Variants in TMEM74 observed in about 807,000 individuals in gnomAD.
TMEM74 encodes transmembrane protein 74.
A neutral mutation model predicts 18.1 loss-of-function variants in TMEM74; 13 were observed. The observed-to-expected ratio is 0.72, with a 90% confidence interval of 0.47 to 1.14. The LOEUF (loss-of-function observed/expected upper bound fraction) is 1.14, where lower values mean the gene tolerates loss of function less well. Ranked by LOEUF, TMEM74 falls within the 50% of genes most tolerant of loss-of-function variation. The probability of loss-of-function intolerance (pLI) is 0.00; values close to 1 mark genes in which losing one functional copy is unlikely to be tolerated. For missense variants in TMEM74, 372 were observed against 375.9 expected (o/e 0.99, Z 0.09); for synonymous variants, 159 against 146.6 (o/e 1.08, Z -0.61).
rs1210933355 is a variant in TMEM74, at chr8:108,783,325, A to T, written c.*856T>A. Among the ~76,000 whole-genome samples, 1 of 152,202 alleles carries T rather than the reference A, an allele frequency of 6.6e-6. No individual in the cohort carries two copies. The highest frequency in any genetic ancestry group is 2.4e-5 in the African/African-American group (1 of 41,452). On this transcript the variant is annotated 3_prime_UTR_variant, in exon 2 of 2. Transcript: ENST00000297459. ...CTGTCTAGATGTTTAGATGTCTGGA[A>T]ATATATTTAAAATGTCTCATGCCTT...
chr8:108,645,310 G>A (rs1290123172), intron 2 of TMEM74, among the ~76,000 whole-genome samples: 2 of 151,992 alleles, frequency 1.3e-5, no homozygotes, highest in Non-Finnish European at 2.9e-5. Context: ...TTGGGTACAC[G>A]TGGACACAAA....
chr8:108,777,226 G>A (rs1421489725), downstream of TMEM74, among the ~76,000 whole-genome samples: 2 of 152,136 alleles, frequency 1.3e-5, no homozygotes, highest in East Asian at 1.9e-4. Context: ...TTTATTATTC[G>A]ACGTGTTGTG....
intron 1 of TMEM74, among the ~76,000 whole-genome samples, chr8:108,673,932 A>C (rs1006713529): frequency 1.3e-5 from 2 of 152,198 alleles, no homozygotes; most frequent in Non-Finnish European, 2.9e-5. Context: ...TATAGTTCTC[A>C]TGTTTATGAA....
chr8:108,609,993 A>G (rs1167865094), intron 2 of TMEM74, among the ~76,000 whole-genome samples: 1 of 152,214 alleles, frequency 6.6e-6, no homozygotes, highest in African/African-American at 2.4e-5. Context: ...TAAACGGGCC[A>G]AAAATATTTC....
intron 1 of TMEM74, among the ~76,000 whole-genome samples, chr8:108,742,222 T>A (rs538470817): frequency 1.4e-4 from 22 of 152,216 alleles, no homozygotes; most frequent in African/African-American, 5.1e-4. Flanking sequence ...AATAAGATAA[T>A]CTGTACAACG....
At chr8:108,648,404 A>T (rs2130568783) in intron 2 of TMEM74, among the ~76,000 whole-genome samples, 1 of 152,260 alleles carries the variant, frequency 6.6e-6, no homozygotes, top group East Asian at 1.9e-4. Context: ...GGTAGGTAAG[A>T]GAAGCTGTCT....
At chr8:108,654,601 G>C (rs1812803711) in intron 2 of TMEM74, among the ~76,000 whole-genome samples, 1 of 152,082 alleles carries the variant, frequency 6.6e-6, no homozygotes, top group African/African-American at 2.4e-5. Flanking sequence ...GAGAAGACCA[G>C]GGTTGAAGCT....
intron 1 of TMEM74, among the ~76,000 whole-genome samples, chr8:108,685,900 C>A: frequency 6.6e-6 from 1 of 151,760 alleles, no homozygotes; most frequent in East Asian, 1.9e-4. Flanking sequence ...AATATATCCA[C>A]GAATAAGCAG....
At chr8:108,682,865 TTAA>T in intron 1 of TMEM74, among the ~76,000 whole-genome samples, 1 of 151,988 alleles carries the variant, frequency 6.6e-6, no homozygotes, top group Middle Eastern at 3.4e-3. Flanking sequence ...TAAGTGGATA[TTAA>T]TAATAATGAA....
intron 1 of TMEM74, among the ~76,000 whole-genome samples, chr8:108,743,407 C>T (rs928242283): frequency 6.6e-6 from 1 of 151,822 alleles, no homozygotes; most frequent in Non-Finnish European, 1.5e-5. Flanking sequence ...ATTACAACAA[C>T]AGAAAAAGGC....
chr8:108,736,362 A>C (rs1813749762), intron 1 of TMEM74, among the ~76,000 whole-genome samples: 1 of 152,130 alleles, frequency 6.6e-6, no homozygotes, highest in South Asian at 2.1e-4. Context: ...TAAAATAATA[A>C]ATTGCATGAT....
At chr8:108,645,372 G>A (rs1812707968) in intron 2 of TMEM74, among the ~76,000 whole-genome samples, 1 of 151,944 alleles carries the variant, frequency 6.6e-6, no homozygotes, top group Non-Finnish European at 1.5e-5. Flanking sequence ...GAAGGAGTGG[G>A]GCAAGTGCTG....
At chr8:108,631,937 G>A (rs548807936) in intron 2 of TMEM74, among the ~76,000 whole-genome samples, 81 of 151,814 alleles carry the variant, frequency 5.3e-4, no homozygotes, top group Non-Finnish European at 1.0e-3. Context: ...GAAATTTATT[G>A]AGCTCTTACT....
intron 1 of TMEM74, among the ~76,000 whole-genome samples, chr8:108,676,344 A>G (rs974390499): frequency 1.3e-5 from 2 of 152,082 alleles, no homozygotes; most frequent in African/African-American, 4.8e-5. Flanking sequence ...TTACTTCTCT[A>G]TCTTCATCTC....
In TMEM74 at chr8:108,784,949, T is replaced by C; in HGVS notation, c.150A>G (p.Pro50=). ...LCCQKQCAST[P]RATEMEGSKL... Reference sequence around the variant, plus strand: ...TAGACCCTTCCATCTCGGTTGCTCTTGGGGTGGATGCACACTGTTTCTGAC... The same window carrying C: ...TAGACCCTTCCATCTCGGTTGCTCTCGGGGTGGATGCACACTGTTTCTGAC... Residue 50 remains proline (P), a synonymous_variant, in exon 2 of 2, where the codon CCA becomes CCG. Transcript: ENST00000297459. 3 of 1,614,108 alleles carry C rather than the reference T, an allele frequency of 1.9e-6. No homozygotes were observed. Among genetic ancestry groups the C allele is most frequent in the Non-Finnish European group, 1.7e-6 (2 of 1,180,020 alleles).
At position 108,785,127 on chromosome 8, in the gene TMEM74, T is replaced by A; in HGVS notation, c.-29A>T. On this transcript the variant is annotated 5_prime_UTR_variant, in exon 2 of 2. In the 5' UTR this introduces an upstream ATG that the reference lacks. Coordinates refer to ENST00000297459, the MANE Select transcript of TMEM74 (RefSeq NM_153015.3). ...AGCTAGTCAGACATCCCCCAGCAGCTTCCGGAAAGTCTGCCAATAGCAACA... is the reference window on the plus strand; with the variant it reads ...AGCTAGTCAGACATCCCCCAGCAGCATCCGGAAAGTCTGCCAATAGCAACA... 5 of 1,543,656 alleles carry A rather than the reference T, an allele frequency of 3.2e-6. 1 individual carries two copies. In the East Asian group the frequency reaches 1.1e-4, roughly 35 times the overall value.
intron 1 of TMEM74, among the ~76,000 whole-genome samples, chr8:108,665,111 T>C (rs1812936073): frequency 6.6e-6 from 1 of 152,108 alleles, no homozygotes; most frequent in South Asian, 2.1e-4. Context: ...TAACTTACTA[T>C]GAATAGTGAA....
intron 1 of TMEM74, 85 bp from the exon 2 acceptor site, chr8:108,785,222 C>T (rs1467283478): frequency 2.0e-6 from 2 of 999,130 alleles, no homozygotes; most frequent in Non-Finnish European, 2.9e-6. Flanking sequence ...GTCCCCATTT[C>T]CTTCACAGCT....
At chr8:108,621,929 T>A (rs1242882239) in intron 2 of TMEM74, among the ~76,000 whole-genome samples, 3 of 152,144 alleles carry the variant, frequency 2.0e-5, no homozygotes, top group African/African-American at 7.2e-5. Context: ...TTTCTGGTCA[T>A]GATGGAGATG....
Sources: gnomAD v4.1 joint callset for allele counts (sites outside exome capture counted in the v4.1 genomes callset) on GRCh38, gnomAD v4.1.1 for gene constraint, MANE v1.5 for transcripts, NCBI Gene and HGNC (gene_info 2026-07-23, HGNC 2026-07-21) for gene names.